GABRB3: variants seen among roughly 807,000 people sequenced by gnomAD.
The protein encoded by GABRB3 is gamma-aminobutyric acid type A receptor subunit beta3.
In GABRB3, 14 loss-of-function variants were observed where a neutral mutation model predicts 52.1. The observed-to-expected ratio is 0.27, with a 90% confidence interval of 0.18 to 0.42. GABRB3 has a LOEUF of 0.42. Among genes scored for constraint, GABRB3 ranks in the 10% least tolerant of loss-of-function variants. GABRB3 has a pLI of 1.00. For synonymous variants in GABRB3, 260 were observed against 232.3 expected (o/e 1.12, Z -1.08); for missense variants, 307 against 609.1 (o/e 0.50, Z 5.22).
intron 6 of GABRB3, among the ~76,000 whole-genome samples, chr15:26,579,209 G>A (rs1395365542): frequency 6.6e-6 from 1 of 152,232 alleles, no homozygotes; most frequent in Non-Finnish European, 1.5e-5. Context: ...GGGAGAGGAT[G>A]AACCACGCAT....
intron 3 of GABRB3, among the ~76,000 whole-genome samples, chr15:26,759,935 AT>A (rs1309636203): frequency 6.6e-6 from 1 of 152,250 alleles, no homozygotes; most frequent in Non-Finnish European, 1.5e-5. Flanking sequence ...TGAAGGTTTT[AT>A]TCACAAACTA....
At chr15:26,695,597 C>A (rs1484644403) in intron 3 of GABRB3, among the ~76,000 whole-genome samples, 1 of 151,810 alleles carries the variant, frequency 6.6e-6, no homozygotes, top group Non-Finnish European at 1.5e-5. Context: ...AAAAGAAGTT[C>A]TTCAGAGAGA....
In GABRB3 at chr15:26,547,919, A is replaced by G. The variant is rs374562766; in HGVS notation, c.1296T>C (p.Ser432=). The change falls in exon 9 of 9, where the codon TCT becomes TCC. Residue 432 remains serine, a synonymous_variant. Transcript: ENST00000311550. ...PHKKTHLRRR[S]SQLKIKIPDL... is the part of the protein sequence containing the mutation. ...CAGGTATTTTAATTTTGAGCTGTGA[A>G]GACCTCCTCCGTAGATGGGTCTTCT... The G allele has an allele frequency of 6.2e-7, 1 of 1,614,178 alleles. No homozygotes were observed. The highest frequency in any genetic ancestry group is 8.5e-7 in the Non-Finnish European group (1 of 1,180,032).
chr15:26,718,293 C>G (rs1361467031), intron 3 of GABRB3, among the ~76,000 whole-genome samples: 2 of 152,176 alleles, frequency 1.3e-5, no homozygotes, highest in African/African-American at 4.8e-5. Flanking sequence ...ACCGCAACCT[C>G]CGCCTCCCAG....
At chr15:26,670,057 G>C (rs1658654247) in intron 3 of GABRB3, among the ~76,000 whole-genome samples, 1 of 152,200 alleles carries the variant, frequency 6.6e-6, no homozygotes, top group South Asian at 2.1e-4. Context: ...CACGGGCACA[G>C]AGCCACGTGA....
At chr15:26,681,419 C>A (rs895439054) in intron 3 of GABRB3, among the ~76,000 whole-genome samples, 3 of 152,146 alleles carry the variant, frequency 2.0e-5, no homozygotes, top group Non-Finnish European at 4.4e-5. Context: ...AGGTGCTACA[C>A]CTGACCATGA....
chr15:26,571,417 T>C (rs571864826), intron 6 of GABRB3, among the ~76,000 whole-genome samples: 1 of 152,222 alleles, frequency 6.6e-6, no homozygotes, highest in Non-Finnish European at 1.5e-5. Context: ...GCAAGTCTCA[T>C]TGCCAACTTT....
chr15:26,592,475 G>C (rs1032888608), intron 4 of GABRB3, among the ~76,000 whole-genome samples: 1 of 152,172 alleles, frequency 6.6e-6, no homozygotes, highest in East Asian at 1.9e-4. Context: ...GAAAAATTTA[G>C]ATGACCTGTG....
At chr15:26,663,627 C>T (rs1887615897) in intron 3 of GABRB3, among the ~76,000 whole-genome samples, 1 of 152,170 alleles carries the variant, frequency 6.6e-6, no homozygotes, top group Non-Finnish European at 1.5e-5. Context: ...GGAAAGCATG[C>T]ACTGAATTTG....
intron 8 of GABRB3, among the ~76,000 whole-genome samples, chr15:26,551,577 A>G (rs1389223598): frequency 1.3e-5 from 2 of 152,122 alleles, no homozygotes; most frequent in Non-Finnish European, 2.9e-5. Flanking sequence ...ACCCCGGCCC[A>G]TGCACTCCTG....
chr15:26,747,780 G>GA (rs1419272943), intron 3 of GABRB3, among the ~76,000 whole-genome samples: 6 of 152,020 alleles, frequency 3.9e-5, no homozygotes, highest in East Asian at 1.9e-4. Flanking sequence ...ACAATCGGGG[G>GA]AAAAAATCCA....
intron 3 of GABRB3, among the ~76,000 whole-genome samples, chr15:26,663,551 A>C (rs1887613780): frequency 6.6e-6 from 1 of 152,188 alleles, no homozygotes; most frequent in African/African-American, 2.4e-5. Context: ...GTGCCTGCAT[A>C]ATACATCTTT....
chr15:26,730,055 T>C (rs921169619), intron 3 of GABRB3, among the ~76,000 whole-genome samples: 2 of 152,212 alleles, frequency 1.3e-5, no homozygotes, highest in Non-Finnish European at 2.9e-5. Flanking sequence ...ATCATCTCTA[T>C]ACTTACAGGA....
At chr15:26,649,150 G>A (rs960680591) in intron 3 of GABRB3, among the ~76,000 whole-genome samples, 1 of 152,194 alleles carries the variant, frequency 6.6e-6, no homozygotes, top group Non-Finnish European at 1.5e-5. Flanking sequence ...ATGCATCTCT[G>A]CAAAATTAAT....
At chr15:26,675,771 G>A (rs1258216351) in intron 3 of GABRB3, among the ~76,000 whole-genome samples, 1 of 152,140 alleles carries the variant, frequency 6.6e-6, no homozygotes, top group Non-Finnish European at 1.5e-5. Flanking sequence ...TGGAAAAACT[G>A]ACCTAACTTT....
chr15:26,744,788 T>C (rs1890295073), intron 3 of GABRB3, among the ~76,000 whole-genome samples: 1 of 144,370 alleles, frequency 6.9e-6, no homozygotes, highest in Admixed American at 7.6e-5. Context: ...TCAAAAATCA[T>C]ATTTTCAATT....
chr15:26,544,094 C>T lies in GABRB3; in HGVS notation c.*3699G>A, dbSNP rs989789167. On this transcript the variant is annotated 3_prime_UTR_variant, in exon 9 of 9. Coordinates refer to ENST00000311550, the MANE Select transcript of GABRB3 (RefSeq NM_000814.6). ...CAATTCCAAGAGTAACAAAATGTTT[C>T]ACCAATTGTTCAGTTTTGCTTACAT... The T allele has an allele frequency of 6.6e-6, 1 of 152,434 alleles. No homozygotes were observed. The highest frequency in any genetic ancestry group is 1.5e-5 in the Non-Finnish European group (1 of 68,028). 9.4% of individuals were successfully genotyped at this position (152,434 alleles called of 1,614,324 possible).
intron 3 of GABRB3, among the ~76,000 whole-genome samples, chr15:26,678,705 C>T (rs1055943368): frequency 6.6e-6 from 1 of 152,140 alleles, no homozygotes; most frequent in Non-Finnish European, 1.5e-5. Flanking sequence ...CCATGGCTCT[C>T]AACCCACCCA....
At chr15:26,772,238 G>T in intron 3 of GABRB3, 164 bp downstream of exon 3, 1 of 576,908 alleles carries the variant, frequency 1.7e-6, no homozygotes, top group Non-Finnish European at 2.9e-6. Context: ...CGGGTGCAGG[G>T]AGCCGGGCAA....
Sources: allele counts gnomAD v4.1 joint callset (sites outside exome capture counted in the v4.1 genomes callset), GRCh38; gene constraint gnomAD v4.1.1; transcripts MANE v1.5; gene names NCBI Gene and HGNC (gene_info 2026-07-23, HGNC 2026-07-21).